The following SDK2 variants were observed in gnomAD, a reference collection of about 807,000 sequenced individuals.
SDK2 encodes the protein protein sidekick-2.
Under a neutral mutation model 253.9 loss-of-function variants are expected in SDK2, and 105 were observed. The observed-to-expected ratio is 0.41, with a 90% CI of 0.35 to 0.49. The LOEUF (loss-of-function observed/expected upper bound fraction) is 0.49, where lower values mean the gene tolerates loss of function less well. Ranked by LOEUF, SDK2 falls within the 20% of genes least tolerant of loss-of-function variation. The pLI, the probability that SDK2 is intolerant of heterozygous loss-of-function variation, is 0.06. For synonymous variants in SDK2, 1,249 were observed against 1,234.9 expected (o/e 1.01, Z -0.24); for missense variants, 2,608 against 3,003.0 (o/e 0.87, Z 3.07).
chr17:73,432,271 G>A (rs1299181508), intron 10 of SDK2, among the ~76,000 whole-genome samples: 2 of 152,110 alleles, frequency 1.3e-5, no homozygotes, highest in Admixed American at 1.3e-4. Flanking sequence ...GAAAGAGGGG[G>A]AGAAAGAGAG....
intron 12 of SDK2, among the ~76,000 whole-genome samples, chr17:73,430,268 C>G (rs1173698650): frequency 1.3e-5 from 2 of 152,208 alleles, no homozygotes; most frequent in Admixed American, 6.5e-5. Context: ...CTTTCTGCAC[C>G]CCTTCCTCTT....
rs534991635 is a variant in SDK2, at chr17:73,395,063, C to T, written c.3592+92G>A. The stretch of plus-strand genomic sequence containing the variant: ...GAGCTCAGGCTGTTTTTGAACAACA[C>T]CTTCAGCCTGGCACGCGCTTGGATG... On this transcript the variant is annotated intron_variant, in intron 25 of 44. Transcript: ENST00000392650. The surrounding 1 kb of genome is among the most constrained non-coding windows in gnomAD (Gnocchi z 4.3). 3.3e-5 allele frequency: 32 copies of T among 975,004 alleles called. No homozygotes were observed. In the East Asian group the frequency reaches 7.6e-4, roughly 23 times the overall value. The allele number at this position is 975,004 out of a possible 1,614,324, so 60.4% of individuals were successfully genotyped here.
intron 15 of SDK2, among the ~76,000 whole-genome samples, chr17:73,420,451 C>T (rs1300839007): frequency 6.6e-6 from 1 of 152,000 alleles, no homozygotes; most frequent in African/African-American, 2.4e-5. Context: ...CCTGCCTCAG[C>T]CTCAAGAGTA....
intron 1 of SDK2, among the ~76,000 whole-genome samples, chr17:73,591,627 A>G (rs1194623403): frequency 6.6e-6 from 1 of 152,174 alleles, no homozygotes; most frequent in Non-Finnish European, 1.5e-5. Flanking sequence ...TGTTTATCTG[A>G]GGTCCAAATT....
Position 73,366,434 on chromosome 17 carries a change from T to C in SDK2, c.5168-1039A>G, listed in dbSNP as rs185261367. On this transcript the variant is annotated intron_variant, in intron 37 of 44. Transcript: ENST00000392650. Reference sequence around the variant, plus strand: ...GGGGTAGTGGAGGGAAAGGGTTCCCTGGAGCCAGGGCTTGTCCCCAGAGAG... The same window carrying C: ...GGGGTAGTGGAGGGAAAGGGTTCCCCGGAGCCAGGGCTTGTCCCCAGAGAG... Among the ~76,000 whole-genome samples the C allele has an allele frequency of 1.6e-3, 245 of 151,930 alleles. 1 individual carries two copies. Among genetic ancestry groups the C allele is most frequent in the Non-Finnish European group, 2.6e-3 (179 of 67,890 alleles).
rs1030151591 is a variant in SDK2 at position 73,534,707 on chromosome 17, A to T, written c.65-27110T>A. Reference sequence around the variant, plus strand: ...GTCTCTGCAGCCTGGGATTGAAACCATCCATTTGCCTGACAGCTGAGAGTG... The same window carrying T: ...GTCTCTGCAGCCTGGGATTGAAACCTTCCATTTGCCTGACAGCTGAGAGTG... On this transcript the variant is annotated intron_variant, in intron 1 of 44. Transcript: ENST00000392650. This position sits in a 1 kb window ranked among gnomAD's most constrained non-coding sequence, Gnocchi z 4.9. Among the ~76,000 whole-genome samples, 7 of 152,104 alleles carry T rather than the reference A, an allele frequency of 4.6e-5. No homozygotes were observed. The highest frequency in any genetic ancestry group is 8.8e-5 in the Non-Finnish European group (6 of 68,024).
intron 1 of SDK2, among the ~76,000 whole-genome samples, chr17:73,608,843 G>A (rs1201879171): frequency 7.2e-5 from 11 of 152,190 alleles, no homozygotes; most frequent in Admixed American, 2.6e-4. Context: ...AAGGATCACC[G>A]TGGCTACTGT....
chr17:73,388,706 TC>T (rs1477266100), intron 29 of SDK2, among the ~76,000 whole-genome samples: 1 of 150,578 alleles, frequency 6.6e-6, no homozygotes, highest in Non-Finnish European at 1.5e-5. Flanking sequence ...TAATGGTTTT[TC>T]CTGAGTACAT....
chr17:73,583,595 G>A (rs375625068), intron 1 of SDK2, among the ~76,000 whole-genome samples: 10 of 152,208 alleles, frequency 6.6e-5, no homozygotes, highest in East Asian at 3.9e-4. Context: ...CACCCTGTGC[G>A]GTGTGCCCTG....
chr17:73,592,381 A>C lies in SDK2; in HGVS notation c.64+51644T>G, dbSNP rs116735604. 7.0e-3 allele frequency among the ~76,000 whole-genome samples: 1,062 copies of C among 152,334 alleles called. 17 individuals carry two copies. The highest frequency in any genetic ancestry group is 0.024 in the African/African-American group (995 of 41,558). ...AAGAGCAGATTTTACTGGACTAATA[A>C]AAATTAAAATGACCAAAATGGAGTC... On this transcript the variant is annotated intron_variant, in intron 1 of 44. Transcript: ENST00000392650.
intron 28 of SDK2, 26 bp downstream of exon 28, chr17:73,391,413 CG>C: frequency 8.0e-7 from 1 of 1,253,096 alleles, no homozygotes; most frequent in Non-Finnish European, 1.0e-6. Context: ...TTCCTGCAGC[CG>C]GGGCACGGGA....
chr17:73,434,822 G>T (rs912171686), intron 9 of SDK2, among the ~76,000 whole-genome samples: 4 of 152,078 alleles, frequency 2.6e-5, no homozygotes, highest in Non-Finnish European at 5.9e-5. Context: ...GGTAGACGAG[G>T]TTTCGCCATG....
intron 1 of SDK2, among the ~76,000 whole-genome samples, chr17:73,636,702 AAAAAGAAAAG>A (rs1330274102): frequency 8.0e-5 from 8 of 99,962 alleles, no homozygotes; most frequent in African/African-American, 2.9e-4. Context: ...AAAAAAAAAA[AAAAAGAAAAG>A]AAAAGAAAAG....
intron 2 of SDK2, among the ~76,000 whole-genome samples, chr17:73,495,289 T>C (rs2063834196): frequency 6.6e-6 from 1 of 152,232 alleles, no homozygotes; most frequent in African/African-American, 2.4e-5. Context: ...GTCATGGTTC[T>C]CAATGGGGGT....
At chr17:73,397,572 T>C (rs1014382763) in intron 24 of SDK2, among the ~76,000 whole-genome samples, 1 of 152,182 alleles carries the variant, frequency 6.6e-6, no homozygotes, top group Non-Finnish European at 1.5e-5. Context: ...TGTGTTACTG[T>C]CACTACCTCG....
chr17:73,457,319 T>TCCCC (rs2063535914), intron 3 of SDK2, among the ~76,000 whole-genome samples: 1 of 54,630 alleles, frequency 1.8e-5, no homozygotes, highest in Non-Finnish European at 3.4e-5. Flanking sequence ...CCCCCTCCCC[T>TCCCC]CTCCTCCCCT....
intron 1 of SDK2, among the ~76,000 whole-genome samples, chr17:73,571,993 C>T (rs983355399): frequency 5.9e-5 from 9 of 152,178 alleles, no homozygotes; most frequent in Admixed American, 5.2e-4. Context: ...CTGGGCATGC[C>T]GGGCCAGGCG....
In SDK2 at chr17:73,335,796, C is replaced by G. The variant is rs905688597; in HGVS notation, c.*2791G>C. 2 of 152,320 alleles carry G rather than the reference C, an allele frequency of 1.3e-5. No homozygotes were observed. Among genetic ancestry groups the G allele is most frequent in the Non-Finnish European group, 2.9e-5 (2 of 68,086 alleles). 9.4% of individuals were successfully genotyped at this position (152,320 alleles called of 1,614,324 possible). On this transcript the variant is annotated 3_prime_UTR_variant, in exon 45 of 45. Transcript: ENST00000392650. ...CCTGTGCCTCACAGGGGAGAGATGG[C>G]TTCAGCCATCAGAGGGAGTTCAGGA...
chr17:73,370,762 T>G (rs1302843257), intron 36 of SDK2, among the ~76,000 whole-genome samples: 1 of 152,000 alleles, frequency 6.6e-6, no homozygotes, highest in African/African-American at 2.4e-5. Flanking sequence ...TAGTGATTTC[T>G]TTTTTAGAAA....
Sources: gnomAD v4.1 joint callset for allele counts (sites outside exome capture counted in the v4.1 genomes callset) on GRCh38, gnomAD v4.1.1 for gene constraint, Gnocchi (gnomAD v3.1) non-coding constraint, MANE v1.5 for transcripts, NCBI Gene and HGNC (gene_info 2026-07-23, HGNC 2026-07-21) for gene names.